Variants in CSMD2 observed in about 807,000 individuals in gnomAD.
The protein encoded by CSMD2 is CUB and Sushi multiple domains 2.
In CSMD2, 130 loss-of-function variants were observed where a neutral mutation model predicts 398.5. That is an observed-to-expected ratio of 0.33 (90% confidence interval 0.28 to 0.38). The LOEUF (loss-of-function observed/expected upper bound fraction) is 0.38, where lower values mean the gene tolerates loss of function less well. CSMD2 is among the 10% of genes least tolerant of loss of function. The pLI is 1.00. For missense variants in CSMD2, 3,829 were observed against 4,764.9 expected, an observed-to-expected ratio of 0.80 and a Z score of 5.78; for synonymous variants, 1,828 against 1,908.5, an observed-to-expected ratio of 0.96 and a Z score of 1.10.
At chr1:33,693,444 A>T (rs1196381241) in intron 24 of CSMD2, among the ~76,000 whole-genome samples, 1 of 152,226 alleles carries the variant, frequency 6.6e-6, no homozygotes, top group African/African-American at 2.4e-5. Context: ...AAAAGACTAT[A>T]CAAGCGTAGG....
intron 2 of CSMD2, 71 bp from the exon 3 acceptor site, chr1:34,032,777 G>A: frequency 1.9e-6 from 2 of 1,046,978 alleles, no homozygotes; most frequent in Non-Finnish European, 2.9e-6. Context: ...AGCATTTATT[G>A]AGTGCCTGCT....
At chr1:33,921,361 G>A (rs1439185876) in intron 4 of CSMD2, among the ~76,000 whole-genome samples, 1 of 150,794 alleles carries the variant, frequency 6.6e-6, no homozygotes, top group Non-Finnish European at 1.5e-5. Context: ...GCCTTCTGAT[G>A]TAAATAAATT....
chr1:33,968,462 A>T (rs2147907300), intron 3 of CSMD2, among the ~76,000 whole-genome samples: 1 of 152,314 alleles, frequency 6.6e-6, no homozygotes, highest in South Asian at 2.1e-4. Context: ...CACCCCTATG[A>T]TTATGCTACA....
chr1:33,980,769 T>C (rs1335901274), intron 3 of CSMD2, among the ~76,000 whole-genome samples: 1 of 152,104 alleles, frequency 6.6e-6, no homozygotes, highest in Non-Finnish European at 1.5e-5. Flanking sequence ...TATATGCAAA[T>C]GCTAATCATT....
intron 57 of CSMD2, 27 bp from the exon 58 acceptor site, chr1:33,542,923 C>G: frequency 6.2e-7 from 1 of 1,606,024 alleles, no homozygotes; most frequent in Non-Finnish European, 8.5e-7. Flanking sequence ...ACACATTATT[C>G]ACCAGAACAA....
intron 2 of CSMD2, among the ~76,000 whole-genome samples, chr1:34,052,168 TACACAC>T (rs35006153): frequency 1.7e-4 from 25 of 147,026 alleles, no homozygotes; most frequent in African/African-American, 3.5e-4. Context: ...AGCATATGTA[TACACAC>T]ACACACACAC....
intron 2 of CSMD2, among the ~76,000 whole-genome samples, chr1:34,078,530 C>A (rs1656691400): frequency 6.6e-6 from 1 of 152,158 alleles, no homozygotes; most frequent in African/African-American, 2.4e-5. Context: ...ACGTAAGCAT[C>A]TATAGCTGGT....
intron 13 of CSMD2, among the ~76,000 whole-genome samples, chr1:33,746,777 G>A (rs1647441659): frequency 6.6e-6 from 1 of 152,168 alleles, no homozygotes; most frequent in Admixed American, 6.5e-5. Context: ...ATGAATCAAT[G>A]AGTACCTAAT....
At chr1:34,078,568 G>A (rs74068007) in intron 2 of CSMD2, among the ~76,000 whole-genome samples, 1,523 of 152,206 alleles carry the variant, frequency 0.01, 22 homozygotes, top group African/African-American at 0.033. Flanking sequence ...CCTGTAAGGC[G>A]GGTAAATGTC....
rs181291332 is a variant in CSMD2, at chr1:33,867,077, C to A, written c.921-20081G>T. ...GGCTGGACAGGTGACTTTCTTCTAACCCATAGAATGTGGCAAAGGAGATGG... is the reference window on the plus strand; with the variant it reads ...GGCTGGACAGGTGACTTTCTTCTAAACCATAGAATGTGGCAAAGGAGATGG... On this transcript the variant is annotated intron_variant, in intron 5 of 70. Coordinates refer to ENST00000373381, the MANE Select transcript of CSMD2 (RefSeq NM_001281956.2). Among the ~76,000 whole-genome samples the A allele has an allele frequency of 3.5e-3, 537 of 152,286 alleles. 2 individuals carry two copies. Among genetic ancestry groups the A allele is most frequent in the Non-Finnish European group, 5.4e-3 (364 of 68,030 alleles).
intron 5 of CSMD2, among the ~76,000 whole-genome samples, chr1:33,887,882 A>G (rs569044377): frequency 6.6e-6 from 1 of 152,264 alleles, no homozygotes; most frequent in South Asian, 2.1e-4. Context: ...CAACTTTAAA[A>G]CTATTAGGGC....
intron 28 of CSMD2, among the ~76,000 whole-genome samples, chr1:33,648,025 T>G (rs1557672420): frequency 6.6e-6 from 1 of 152,170 alleles, no homozygotes; most frequent in African/African-American, 2.4e-5. Context: ...ACTTTCTACT[T>G]GATGGGTGTC....
chr1:34,010,574 T>C (rs1471549758), intron 3 of CSMD2, among the ~76,000 whole-genome samples: 1 of 151,908 alleles, frequency 6.6e-6, no homozygotes, highest in Non-Finnish European at 1.5e-5. Context: ...TCCAGGTTGA[T>C]CGTCAGCAGG....
chr1:34,107,519 T>C (rs900221167), intron 1 of CSMD2, among the ~76,000 whole-genome samples: 2 of 152,162 alleles, frequency 1.3e-5, no homozygotes, highest in Non-Finnish European at 2.9e-5. Context: ...GGTTAAGTAA[T>C]CTGCCCAAGG....
intron 1 of CSMD2, among the ~76,000 whole-genome samples, chr1:34,113,872 T>C (rs577389574): frequency 6.6e-6 from 1 of 152,304 alleles, no homozygotes; most frequent in East Asian, 1.9e-4. Flanking sequence ...TCAGTGAGAC[T>C]GAAGGAAAAA....
chr1:33,939,887 G>A (rs1315458288), intron 3 of CSMD2, among the ~76,000 whole-genome samples: 3 of 152,230 alleles, frequency 2.0e-5, no homozygotes, highest in Non-Finnish European at 4.4e-5. Context: ...ATCTTGAGCT[G>A]TAAACTTTCC....
chr1:33,987,090 C>T (rs1230904102), intron 3 of CSMD2, among the ~76,000 whole-genome samples: 1 of 152,068 alleles, frequency 6.6e-6, no homozygotes, highest in Non-Finnish European at 1.5e-5. Flanking sequence ...ATCAAGTAGC[C>T]AATGAATGCA....
At position 33,557,881 on chromosome 1, in the gene CSMD2, G is replaced by A. The variant is rs989053471; in HGVS notation, c.8596C>T (p.Arg2866Cys). 1.8e-5 allele frequency: 28 copies of A among 1,535,998 alleles called. No homozygotes were observed. Among genetic ancestry groups the A allele is most frequent in the Non-Finnish European group, 2.3e-5 (26 of 1,146,916 alleles). ...TGCGGGCCGCTGGCGTGGACCTGAC[G>A]AACACTATTTTCTTGGTGTCCAGGA... ...TDPGHQENSV[R>C]QVHASGPHRF... is the part of the protein sequence containing the mutation. Residue 2866 changes from arginine (R) to cysteine (C), a missense_variant, in exon 55 of 71, where the codon CGT becomes TGT. Physicochemically the swap from Arg to Cys is radical, Grantham distance 180 (BLOSUM62 -3). Coordinates refer to ENST00000373381, the MANE Select transcript of CSMD2 (RefSeq NM_001281956.2).
At chr1:33,689,821 T>A (rs930814848) in intron 25 of CSMD2, among the ~76,000 whole-genome samples, 1 of 152,114 alleles carries the variant, frequency 6.6e-6, no homozygotes, top group Admixed American at 6.5e-5. Context: ...AACAAAAGGA[T>A]GGAAAGAGAA....
Sources: gnomAD v4.1 joint callset for allele counts (sites outside exome capture counted in the v4.1 genomes callset) on GRCh38, gnomAD v4.1.1 for gene constraint, MANE v1.5 for transcripts, NCBI Gene and HGNC (gene_info 2026-07-23, HGNC 2026-07-21) for gene names.